PXDNL: variants seen among roughly 807,000 people sequenced by gnomAD.
PXDNL encodes probable oxidoreductase PXDNL.
A neutral mutation model predicts 150.8 loss-of-function variants in PXDNL; 145 were observed. The observed-to-expected ratio is 0.96, with a 90% CI of 0.84 to 1.10. The LOEUF is 1.10. Among genes scored for constraint, PXDNL ranks in the 50% least tolerant of loss-of-function variants. The pLI is 0.00. For synonymous variants in PXDNL, 757 were observed against 725.7 expected, an observed-to-expected ratio of 1.04 and a Z score of -0.69; for missense variants, 2,087 against 1,873.9, an observed-to-expected ratio of 1.11 and a Z score of -2.10.
intron 8 of PXDNL, among the ~76,000 whole-genome samples, chr8:51,459,525 T>C (rs1464795143): frequency 1.3e-5 from 2 of 152,196 alleles, no homozygotes; most frequent in African/African-American, 4.8e-5. Flanking sequence ...TTAAAAATGA[T>C]ATAAAACAGG....
chr8:51,616,829 A>G (rs917849803), intron 2 of PXDNL, among the ~76,000 whole-genome samples: 1 of 152,166 alleles, frequency 6.6e-6, no homozygotes, highest in Non-Finnish European at 1.5e-5. Flanking sequence ...CAAATTTGAA[A>G]CCCACAGATG....
At chr8:51,577,999 G>GAAAGAGGAAGGAAGGAAGGA (rs1409948869) in intron 3 of PXDNL, among the ~76,000 whole-genome samples, 2 of 31,546 alleles carry the variant, frequency 6.3e-5, no homozygotes, top group African/African-American at 1.3e-4. Context: ...AAGAAAGAAA[G>GAAAGAGGAAGGAAGGAAGGA]AGGAAGGAAG....
At chr8:51,800,081 C>A (rs1475915721) in intron 1 of PXDNL, among the ~76,000 whole-genome samples, 4 of 152,108 alleles carry the variant, frequency 2.6e-5, no homozygotes, top group Non-Finnish European at 5.9e-5. Flanking sequence ...GTGAGGCTTA[C>A]AACTAAAATC....
At chr8:51,730,690 C>T (rs143156064) in intron 1 of PXDNL, among the ~76,000 whole-genome samples, 33 of 152,192 alleles carry the variant, frequency 2.2e-4, no homozygotes, top group African/African-American at 7.5e-4. Flanking sequence ...AAAAACATAC[C>T]CCAAGACTGG....
intron 1 of PXDNL, among the ~76,000 whole-genome samples, chr8:51,713,954 T>C (rs550976227): frequency 6.6e-6 from 1 of 152,258 alleles, no homozygotes; most frequent in East Asian, 1.9e-4. Context: ...GTTTGCAAAA[T>C]CCATATAAAT....
chr8:51,443,583 G>A (rs1380756286), intron 12 of PXDNL, among the ~76,000 whole-genome samples: 1 of 152,088 alleles, frequency 6.6e-6, no homozygotes, highest in Admixed American at 6.5e-5. Context: ...AAAAATTTAT[G>A]TGTTCATTTT....
chr8:51,502,459 T>G (rs1040868808), intron 4 of PXDNL, among the ~76,000 whole-genome samples: 6 of 152,130 alleles, frequency 3.9e-5, no homozygotes, highest in African/African-American at 1.4e-4. Context: ...CTCTCTACAC[T>G]CCTGTTCTCA....
intron 1 of PXDNL, among the ~76,000 whole-genome samples, chr8:51,741,781 A>G (rs1469207761): frequency 1.3e-5 from 2 of 152,246 alleles, no homozygotes; most frequent in Non-Finnish European, 2.9e-5. Context: ...GATTACTCAC[A>G]CGTCGCTGGT....
chr8:51,782,854 A>C (rs1375891379), intron 1 of PXDNL, among the ~76,000 whole-genome samples: 1 of 152,198 alleles, frequency 6.6e-6, no homozygotes, highest in Non-Finnish European at 1.5e-5. Flanking sequence ...GTGGCTTATG[A>C]ATGTCCTGAA....
At chr8:51,504,812 G>A (rs574264675) in intron 4 of PXDNL, among the ~76,000 whole-genome samples, 20 of 152,224 alleles carry the variant, frequency 1.3e-4, no homozygotes, top group African/African-American at 4.1e-4. Context: ...CTTTGCAAAC[G>A]TGAGGATAAG....
At chr8:51,454,160 C>A (rs1168210363) in intron 9 of PXDNL, among the ~76,000 whole-genome samples, 1 of 152,122 alleles carries the variant, frequency 6.6e-6, no homozygotes, top group African/African-American at 2.4e-5. Context: ...AATAAAAGTG[C>A]TAAGTTTAAG....
In PXDNL at chr8:51,453,616, G is replaced by A; in HGVS notation, c.1152C>T (p.Tyr384=). 1 of 1,614,052 alleles carries A rather than the reference G, an allele frequency of 6.2e-7. No homozygotes were observed. Among genetic ancestry groups the A allele is most frequent in the Non-Finnish European group, 8.5e-7 (1 of 1,179,902 alleles). ...SRHVATSSGL[Y]LQNITQRDHG... Reference sequence around the variant, plus strand: ...GATCCCGTTGTGTGATGTTCTGTAAGTAAAGTCCACTGGACGTTGCCACGT... The same window carrying A: ...GATCCCGTTGTGTGATGTTCTGTAAATAAAGTCCACTGGACGTTGCCACGT... The change falls in exon 10 of 23, where the codon TAC becomes TAT. Residue 384 remains tyrosine (Y), a synonymous_variant. Transcript: ENST00000356297.
intron 2 of PXDNL, among the ~76,000 whole-genome samples, chr8:51,641,463 A>G (rs1033446384): frequency 2.0e-4 from 31 of 152,140 alleles, no homozygotes; most frequent in Non-Finnish European, 3.7e-4. Context: ...TATCTGACAA[A>G]GGGCTAATAT....
At chr8:51,388,355 C>T (rs536851162) in intron 17 of PXDNL, among the ~76,000 whole-genome samples, 1 of 152,138 alleles carries the variant, frequency 6.6e-6, no homozygotes, top group African/African-American at 2.4e-5. Context: ...ATTAATCAGT[C>T]TTTTTTTCAA....
intron 1 of PXDNL, among the ~76,000 whole-genome samples, chr8:51,663,775 G>A (rs1260987839): frequency 6.6e-6 from 1 of 152,106 alleles, no homozygotes; most frequent in Non-Finnish European, 1.5e-5. Flanking sequence ...GAGAGATGAG[G>A]GGGCCACGGT....
intron 2 of PXDNL, among the ~76,000 whole-genome samples, chr8:51,609,232 A>G (rs1563482433): frequency 6.6e-6 from 1 of 152,244 alleles, no homozygotes; most frequent in Non-Finnish European, 1.5e-5. Flanking sequence ...TCTGTAAAAA[A>G]GAAAAAGTAA....
chr8:51,685,236 A>G (rs1815847348), intron 1 of PXDNL, among the ~76,000 whole-genome samples: 1 of 152,212 alleles, frequency 6.6e-6, no homozygotes, highest in Non-Finnish European at 1.5e-5. Flanking sequence ...GGCTCAGATC[A>G]TTATGCACAG....
chr8:51,756,803 T>TA (rs1366223694), intron 1 of PXDNL, among the ~76,000 whole-genome samples: 6 of 152,186 alleles, frequency 3.9e-5, no homozygotes, highest in African/African-American at 1.4e-4. Context: ...TGTTTTTTTT[T>TA]AATCTGTACT....
intron 3 of PXDNL, among the ~76,000 whole-genome samples, chr8:51,583,938 G>A (rs1388466247): frequency 1.3e-5 from 2 of 152,182 alleles, no homozygotes; most frequent in Non-Finnish European, 2.9e-5. Flanking sequence ...GTATAGGAAG[G>A]CTGGATGAGT....
Sources: gnomAD v4.1 joint callset for allele counts (sites outside exome capture counted in the v4.1 genomes callset) on GRCh38, gnomAD v4.1.1 for gene constraint, MANE v1.5 for transcripts, NCBI Gene and HGNC (gene_info 2026-07-23, HGNC 2026-07-21) for gene names.